OLFM2: variants seen among roughly 807,000 people sequenced by gnomAD.
The protein encoded by OLFM2 is noelin-2.
A neutral mutation model predicts 43.9 loss-of-function variants in OLFM2; 20 were observed. The ratio of observed to expected loss-of-function variants is 0.46; its 90% confidence interval spans 0.32 to 0.66. The LOEUF (loss-of-function observed/expected upper bound fraction) is 0.66. Among genes scored for constraint, OLFM2 ranks in the 30% least tolerant of loss-of-function variants. The pLI, the probability that OLFM2 is intolerant of heterozygous loss-of-function variation, is 0.04. For synonymous variants in OLFM2, 268 were observed against 278.6 expected (o/e 0.96, Z 0.38); for missense variants, 416 against 643.6 (o/e 0.65, Z 3.83).
chr19:9,862,018 T>A (rs1175188560), intron 1 of OLFM2, among the ~76,000 whole-genome samples: 2 of 48,080 alleles, frequency 4.2e-5, no homozygotes, highest in African/African-American at 9.2e-5. Context: ...AGACTCCGTC[T>A]CAAAGAAAAA....
chr19:9,924,838 G>A (rs1013608260), intron 1 of OLFM2, among the ~76,000 whole-genome samples: 3 of 151,934 alleles, frequency 2.0e-5, no homozygotes, highest in African/African-American at 7.2e-5. Context: ...CAGATCTAGT[G>A]CTATTGGCCG....
intron 1 of OLFM2, among the ~76,000 whole-genome samples, chr19:9,867,232 G>A (rs991781275): frequency 5.9e-5 from 9 of 152,086 alleles, no homozygotes; most frequent in African/African-American, 9.7e-5. Context: ...TTAGCCAGAC[G>A]TGGTGGCAGG....
intron 1 of OLFM2, among the ~76,000 whole-genome samples, chr19:9,894,730 A>C (rs1433647741): frequency 6.6e-6 from 1 of 152,120 alleles, no homozygotes; most frequent in Non-Finnish European, 1.5e-5. Context: ...AAAATTAAAA[A>C]AATACATAAA....
Position 9,854,646 on chromosome 19 carries a change from C to T in OLFM2, c.905G>A (p.Arg302Lys). ...HFRSRSVLVQ[R>K]SLPGAGYNNT... ...GTTGTAACCGGCGCCCGGGAGGCTC[C>T]TCTGCACCAGCACAGAGCGCGAGCG... Residue 302 changes from arginine (R) to lysine (K), a missense_variant, in exon 6 of 6, where the codon AGG becomes AAG. Arg to Lys is a conservative substitution (Grantham distance 26, BLOSUM62 2). Transcript: ENST00000264833. This position sits in a 1 kb window ranked among gnomAD's most constrained non-coding sequence, Gnocchi z 9.5. 1.2e-6 allele frequency: 2 copies of T among 1,614,206 alleles called. No individual in the cohort carries two copies. The highest frequency in any genetic ancestry group is 1.7e-6 in the Non-Finnish European group (2 of 1,180,026).
chr19:9,902,929 T>G (rs1422658552), intron 1 of OLFM2, among the ~76,000 whole-genome samples: 2 of 151,874 alleles, frequency 1.3e-5, no homozygotes, highest in Non-Finnish European at 2.9e-5. Context: ...CCTCCTGCCT[T>G]GGCCTCCCAA....
At position 9,907,135 on chromosome 19, in the gene OLFM2, C is replaced by T. The variant is rs1402765823; in HGVS notation, c.63+29169G>A. Among the ~76,000 whole-genome samples the T allele has an allele frequency of 5.9e-5, 9 of 152,148 alleles. 1 individual carries two copies. Among genetic ancestry groups the T allele is most frequent in the Admixed American group, 5.9e-4 (9 of 15,272 alleles). ...CATACCCAGGGGGTCCAGACACTGCCAATGCCTCTCTTTGGGGCCCTCAAG... is the reference window on the plus strand; with the variant it reads ...CATACCCAGGGGGTCCAGACACTGCTAATGCCTCTCTTTGGGGCCCTCAAG... On this transcript the variant is annotated intron_variant, in intron 1 of 5. Coordinates refer to ENST00000264833, the MANE Select transcript of OLFM2 (RefSeq NM_058164.4).
chr19:9,896,716 CCTT>C (rs750368309), intron 1 of OLFM2, among the ~76,000 whole-genome samples: 56 of 152,300 alleles, frequency 3.7e-4, no homozygotes, highest in South Asian at 8.3e-4. Context: ...CATCAAATCT[CCTT>C]ATTAGAAGCT....
chr19:9,904,307 C>T (rs2144982056), intron 1 of OLFM2, among the ~76,000 whole-genome samples: 1 of 152,014 alleles, frequency 6.6e-6, no homozygotes, highest in South Asian at 2.1e-4. Flanking sequence ...TCTCCTGCCT[C>T]AGCCTCCCAC....
At chr19:9,896,651 A>T (rs1034760312) in intron 1 of OLFM2, among the ~76,000 whole-genome samples, 5 of 152,162 alleles carry the variant, frequency 3.3e-5, no homozygotes, top group Non-Finnish European at 5.9e-5. Context: ...TGCGCAGAGC[A>T]TCCTTTCCTC....
chr19:9,907,656 G>A (rs761117736), intron 1 of OLFM2, among the ~76,000 whole-genome samples: 1 of 152,054 alleles, frequency 6.6e-6, no homozygotes, highest in East Asian at 1.9e-4. Flanking sequence ...AATCCCAGAG[G>A]TAGAGACAGA....
At chr19:9,878,420 A>C (rs2046511082) in intron 1 of OLFM2, among the ~76,000 whole-genome samples, 2 of 100,646 alleles carry the variant, frequency 2.0e-5, no homozygotes, top group African/African-American at 8.4e-5. Flanking sequence ...ATGGAGTTTC[A>C]CTCTTGTCAC....
intron 1 of OLFM2, among the ~76,000 whole-genome samples, chr19:9,863,639 C>T (rs530137447): frequency 6.6e-6 from 1 of 152,060 alleles, no homozygotes; most frequent in Non-Finnish European, 1.5e-5. Context: ...CCAGCAGAAT[C>T]GGTGCCGTGA....
intron 1 of OLFM2, among the ~76,000 whole-genome samples, chr19:9,929,562 C>T (rs1000386966): frequency 2.0e-5 from 3 of 151,636 alleles, no homozygotes; most frequent in Non-Finnish European, 2.9e-5. Flanking sequence ...CACCACTTCA[C>T]GCCAGCCTGG....
chr19:9,926,668 G>A (rs539526837), intron 1 of OLFM2, among the ~76,000 whole-genome samples: 121 of 152,100 alleles, frequency 8.0e-4, no homozygotes, highest in African/African-American at 2.8e-3. Context: ...CCTCTTCTAT[G>A]AGTCACTATT....
In OLFM2 at chr19:9,860,755, T is replaced by C; in HGVS notation, c.103A>G (p.Thr35Ala). Residue 35 changes from threonine (T) to alanine (A), a missense_variant, in exon 2 of 6, where the codon ACC (threonine) becomes GCC (alanine). Coordinates refer to ENST00000264833, the MANE Select transcript of OLFM2 (RefSeq NM_058164.4). ...QNPEEGWQLY[T>A]SAQAPDGKCI... ...TTCCCGTCAGGGGCCTGGGCTGAGG[T>C]GTACAGCTGCCAGCCCTCTTCTGGG... 6.2e-7 allele frequency: 1 copy of C among 1,609,250 alleles called. No homozygotes were observed. The highest frequency in any genetic ancestry group is 8.5e-7 in the Non-Finnish European group (1 of 1,178,264).
At position 9,857,733 on chromosome 19, in the gene OLFM2, G is replaced by A. The variant is rs2046333187; in HGVS notation, c.342C>T (p.Leu114=). The A allele has an allele frequency of 6.2e-7, 1 of 1,614,168 alleles. No homozygotes were observed. The highest frequency in any genetic ancestry group is 1.7e-4 in the Middle Eastern group (1 of 6,046). The change falls in exon 3 of 6, where the codon CTC becomes CTT. Residue 114 remains leucine, a synonymous_variant. Transcript: ENST00000264833. This position sits in a 1 kb window ranked among gnomAD's most constrained non-coding sequence, Gnocchi z 5.7. ...DARLRAADGS[L]SAKSFQELKD... The stretch of plus-strand genomic sequence containing the variant: ...GACCCACCTGGAAGCTCTTGGCCGA[G>A]AGGGACCCATCAGCTGCCCGGAGCC...
chr19:9,855,168 T>C (rs1316878827), intron 5 of OLFM2, among the ~76,000 whole-genome samples: 2 of 151,770 alleles, frequency 1.3e-5, no homozygotes, highest in Non-Finnish European at 2.9e-5. Context: ...GGCTGCAGTT[T>C]CTTGGGGAAC....
At chr19:9,903,260 C>T (rs1040585162) in intron 1 of OLFM2, among the ~76,000 whole-genome samples, 4 of 152,220 alleles carry the variant, frequency 2.6e-5, no homozygotes, top group African/African-American at 9.6e-5. Flanking sequence ...TCACAAATAG[C>T]TCTGCCACAT....
rs769272126 is a variant in OLFM2 at position 9,854,504 on chromosome 19, C to T, written c.1047G>A (p.Arg349=). 21 of 1,613,856 alleles carry T rather than the reference C, an allele frequency of 1.3e-5. No individual in the cohort carries two copies. In the Admixed American group the frequency reaches 2.2e-4, roughly 17 times the overall value. Reference sequence around the variant, plus strand: ...TGACCTCGAGGGTGTGCGGGTCCAGCCGGCTGACCACGATGTTGCCCGCGT... The same window carrying T: ...TGACCTCGAGGGTGTGCGGGTCCAGTCGGCTGACCACGATGTTGCCCGCGT... The part of the protein sequence containing the change: ...NQNAGNIVVS[R]LDPHTLEVMR... The change falls in exon 6 of 6, where the codon CGG becomes CGA. Residue 349 remains arginine, a synonymous_variant. Transcript: ENST00000264833. The surrounding 1 kb of genome is among the most constrained non-coding windows in gnomAD (Gnocchi z 9.5).
Sources: allele counts gnomAD v4.1 joint callset (sites outside exome capture counted in the v4.1 genomes callset), GRCh38; gene constraint gnomAD v4.1.1; non-coding constraint Gnocchi (gnomAD v3.1); transcripts MANE v1.5; gene names NCBI Gene and HGNC (gene_info 2026-07-23, HGNC 2026-07-21).